HSPH1: variants seen among roughly 807,000 people sequenced by gnomAD.
HSPH1 encodes heat shock protein 105 kDa.
HSPH1 carries 40 observed loss-of-function variants against 100.0 expected under a neutral mutation model. The observed-to-expected ratio is 0.40, with a 90% CI of 0.31 to 0.52. The LOEUF (loss-of-function observed/expected upper bound fraction) is 0.52. Ranked by LOEUF, HSPH1 falls within the 20% of genes least tolerant of loss-of-function variation. HSPH1 has a pLI of 0.54. For synonymous variants in HSPH1, 403 were observed against 344.0 expected, an observed-to-expected ratio of 1.17 and a Z score of -1.90; for missense variants, 876 against 1,015.1, an observed-to-expected ratio of 0.86 and a Z score of 1.86.
chr13:31,144,187 G>A (rs145297859), intron 11 of HSPH1, among the ~76,000 whole-genome samples: 1 of 152,068 alleles, frequency 6.6e-6, no homozygotes, highest in African/African-American at 2.4e-5. Context: ...TGACAATCAA[G>A]AATCAAGAAC....
Position 31,140,237 on chromosome 13 carries a change from A to T in HSPH1, c.1927T>A (p.Tyr643Asn), listed in dbSNP as rs1441209152. The part of the protein sequence containing the change: ...DAKNAVEEYV[Y>N]EFRDKLCGPY... ...CCACACAGCTTGTCTCTGAACTCAT[A>T]CACATATTCCTCAACTGCATTTTTA... Residue 643 changes from tyrosine to asparagine, a missense_variant, in exon 14 of 18, where the codon TAT (tyrosine) becomes AAT (asparagine). Coordinates refer to ENST00000320027, the MANE Select transcript of HSPH1 (RefSeq NM_006644.4). 1.9e-6 allele frequency: 3 copies of T among 1,611,898 alleles called. No homozygotes were observed. The highest frequency in any genetic ancestry group is 2.5e-6 in the Non-Finnish European group (3 of 1,178,634).
At chr13:31,147,839 C>T in intron 10 of HSPH1, 120 bp downstream of exon 10, 1 of 811,514 alleles carries the variant, frequency 1.2e-6, no homozygotes, top group South Asian at 2.2e-5. Flanking sequence ...AAAATGTCTT[C>T]ACACAGAATT....
At chr13:31,149,889 T>G in intron 8 of HSPH1, 65 bp downstream of exon 8, 1 of 1,280,190 alleles carries the variant, frequency 7.8e-7, no homozygotes, top group Non-Finnish European at 1.1e-6. Context: ...TATCCCACCA[T>G]GACGACATCC....
intron 2 of HSPH1, 134 bp from the exon 3 acceptor site, chr13:31,155,788 C>G (rs1956665208): frequency 1.8e-6 from 1 of 546,324 alleles, no homozygotes; most frequent in Non-Finnish European, 3.1e-6. Flanking sequence ...TGAGGCCCAC[C>G]AATTTCACTG....
Position 31,152,898 on chromosome 13 carries a change from C to T in HSPH1, c.483G>A (p.Gln161=). The T allele has an allele frequency of 3.7e-6, 6 of 1,612,890 alleles. No individual in the cohort carries two copies. Among genetic ancestry groups the T allele is most frequent in the Non-Finnish European group, 5.1e-6 (6 of 1,179,036 alleles). Residue 161 remains glutamine (Q), a synonymous_variant, in exon 5 of 18, where the codon CAG becomes CAA. Transcript: ENST00000320027. ...GTCTTAAACAGTTTAGGCCAACAAT[C>T]TGTGCAGCATCTAACACAGATCGCC... ...AERRSVLDAA[Q]IVGLNCLRLM... is the part of the protein sequence containing the mutation.
At chr13:31,147,686 G>GT (rs1323810149) in intron 10 of HSPH1, among the ~76,000 whole-genome samples, 1 of 151,992 alleles carries the variant, frequency 6.6e-6, no homozygotes. Flanking sequence ...AAATATTAAA[G>GT]TGTTCATATA....
intron 4 of HSPH1, 24 bp downstream of exon 4, chr13:31,154,609 A>G (rs1046715177): frequency 1.9e-6 from 3 of 1,613,572 alleles, no homozygotes; most frequent in East Asian, 2.2e-5. Context: ...AATAAAACAC[A>G]CTGCCTTGCT....
intron 8 of HSPH1, 27 bp from the exon 9 acceptor site, chr13:31,148,507 G>C: frequency 1.2e-6 from 1 of 864,564 alleles, no homozygotes; most frequent in Admixed American, 3.2e-5. Context: ...AAAATCATGA[G>C]CACATGAACA....
At chr13:31,137,817 A>G (rs1429052432) in intron 17 of HSPH1, among the ~76,000 whole-genome samples, 2 of 152,168 alleles carry the variant, frequency 1.3e-5, no homozygotes, top group Non-Finnish European at 2.9e-5. Context: ...ACAATGGTTC[A>G]AAGAGGTTAA....
chr13:31,158,714 A>T (rs1478477935), intron 2 of HSPH1, 92 bp downstream of exon 2: 2 of 784,112 alleles, frequency 2.6e-6, no homozygotes, highest in Non-Finnish European at 4.5e-6. Context: ...ACATAAACTT[A>T]GGCACACTTT....
At chr13:31,149,504 A>G (rs1956400774) in intron 8 of HSPH1, among the ~76,000 whole-genome samples, 1 of 152,236 alleles carries the variant, frequency 6.6e-6, no homozygotes, top group South Asian at 2.1e-4. Flanking sequence ...TTTTTATCTG[A>G]TAAGCAGATT....
chr13:31,135,154 T>G lies in HSPH1; in HGVS notation c.*2164A>C, dbSNP rs1040600023. On this transcript the variant is annotated 3_prime_UTR_variant, in exon 18 of 18. Coordinates refer to ENST00000320027, the MANE Select transcript of HSPH1 (RefSeq NM_006644.4). The stretch of plus-strand genomic sequence containing the variant: ...ATGATATTAATACGTTATTATAAAG[T>G]AATCAACATGACAATACTTTTGCCC... 2.0e-5 allele frequency: 3 copies of G among 152,234 alleles called. No homozygotes were observed. The highest frequency in any genetic ancestry group is 7.2e-5 in the African/African-American group (3 of 41,466). The allele number at this position is 152,234 out of a possible 1,614,324, so 9.4% of individuals were successfully genotyped here. A position where few individuals can be genotyped will look rare whatever the true frequency, so the allele number is the denominator to read the frequency against.
chr13:31,140,552 C>T, intron 13 of HSPH1: 1 of 123,112 alleles, frequency 8.1e-6, no homozygotes, highest in Non-Finnish European at 1.6e-5. Context: ...ATATTTAATG[C>T]TAAAAAAAAA....
chr13:31,162,061 C>T, upstream of HSPH1: 2 of 1,536,170 alleles, frequency 1.3e-6, no homozygotes, highest in Admixed American at 2.0e-5. Context: ...ACCCAATGGG[C>T]AGCCGGTCCC....
chr13:31,140,080 T>C, intron 14 of HSPH1, 104 bp downstream of exon 14: 1 of 1,161,096 alleles, frequency 8.6e-7, no homozygotes, highest in Non-Finnish European at 1.2e-6. Context: ...TTCTAAAAAG[T>C]TTAAGTTACA....
intron 11 of HSPH1, among the ~76,000 whole-genome samples, chr13:31,144,636 T>G (rs1222003328): frequency 6.6e-6 from 1 of 152,154 alleles, no homozygotes; most frequent in Non-Finnish European, 1.5e-5. Context: ...GGAAGAGGGC[T>G]GAAATACTCT....
At chr13:31,151,777 C>A (rs757293171) in intron 5 of HSPH1, 35 bp from the exon 6 acceptor site, 3 of 1,566,696 alleles carry the variant, frequency 1.9e-6, no homozygotes, top group Non-Finnish European at 2.6e-6. Context: ...TTCTTTGGTT[C>A]ACATTTTCTT....
In HSPH1 at chr13:31,161,693, G is replaced by A. The variant is rs546547193; in HGVS notation, c.-111C>T. On this transcript the variant is annotated 5_prime_UTR_variant, in exon 1 of 18. Transcript: ENST00000320027. ...CTGGCCGCGTTCTGCTCCGGCCCGCGGGGTCTGGCCGTTCCTCTGACACTC... is the reference window on the plus strand; with the variant it reads ...CTGGCCGCGTTCTGCTCCGGCCCGCAGGGTCTGGCCGTTCCTCTGACACTC... 2.5e-5 allele frequency: 39 copies of A among 1,544,134 alleles called. No individual in the cohort carries two copies. The South Asian group carries it at 4.0e-4, about 16-fold the overall frequency.
At chr13:31,161,338 C>G in intron 1 of HSPH1, 138 bp downstream of exon 1, 4 of 1,445,386 alleles carry the variant, frequency 2.8e-6, no homozygotes, top group Non-Finnish European at 3.7e-6. Flanking sequence ...TCGCTGGTCC[C>G]TAGTTCCACG....
Sources: allele counts gnomAD v4.1 joint callset (sites outside exome capture counted in the v4.1 genomes callset), GRCh38; gene constraint gnomAD v4.1.1; transcripts MANE v1.5; gene names NCBI Gene and HGNC (gene_info 2026-07-23, HGNC 2026-07-21).